NTM: variants seen among roughly 807,000 people sequenced by gnomAD.
The protein encoded by NTM is neurotrimin.
In NTM, 13 loss-of-function variants were observed where a neutral mutation model predicts 42.1. The ratio of observed to expected loss-of-function variants is 0.31; its 90% CI spans 0.20 to 0.49. NTM has a LOEUF of 0.49. Among genes scored for constraint, NTM ranks in the 20% least tolerant of loss-of-function variants. The probability of loss-of-function intolerance (pLI) is 0.99; values close to 1 mark genes in which losing one functional copy is unlikely to be tolerated. For missense variants in NTM, 373 were observed against 452.8 expected, an observed-to-expected ratio of 0.82 and a Z score of 1.60; for synonymous variants, 187 against 179.2, an observed-to-expected ratio of 1.04 and a Z score of -0.35.
chr11:131,920,511 A>T (rs917057279), intron 2 of NTM, among the ~76,000 whole-genome samples: 1 of 152,246 alleles, frequency 6.6e-6, no homozygotes, highest in Admixed American at 6.5e-5. Flanking sequence ...ACCCAATGTC[A>T]AAGGGCTTAA....
intron 1 of NTM, among the ~76,000 whole-genome samples, chr11:131,653,766 G>A (rs554764606): frequency 1.7e-4 from 26 of 152,318 alleles, no homozygotes; most frequent in Middle Eastern, 3.4e-3. Flanking sequence ...GGCTCCCCCC[G>A]CGGCCTCTTT....
rs1491403568 is a variant in NTM, at chr11:132,217,356, T to TGTGTGTG, written c.526+5209_526+5210insGTGTGTG. On this transcript the variant is annotated intron_variant, in intron 4 of 8. Coordinates refer to ENST00000683400, the MANE Select transcript of NTM (RefSeq NM_001352005.2). ...TGCCTCTTTCTCTCTCTCTCTCTCTTTCTGTGTGTGTGTGTGTGTGTGTGT... is the reference window on the plus strand; with the variant it reads ...TGCCTCTTTCTCTCTCTCTCTCTCTTGTGTGTGTCTGTGTGTGTGTGTGTGTGTGTGT... 2.9e-3 allele frequency among the ~76,000 whole-genome samples: 389 copies of TGTGTGTG among 135,272 alleles called. 1 individual carries two copies. Among genetic ancestry groups the TGTGTGTG allele is most frequent in the African/African-American group, 6.8e-3 (245 of 36,178 alleles). The allele number at this position is 135,272 out of a possible 152,430, so 88.7% of individuals were successfully genotyped here.
intron 1 of NTM, among the ~76,000 whole-genome samples, chr11:131,389,773 A>G (rs1331772684): frequency 1.3e-5 from 2 of 152,190 alleles, no homozygotes; most frequent in Non-Finnish European, 2.9e-5. Flanking sequence ...TACAAATAGG[A>G]ACTCCCCTGG....
At chr11:132,258,348 G>T (rs191112524) in intron 4 of NTM, among the ~76,000 whole-genome samples, 6 of 152,246 alleles carry the variant, frequency 3.9e-5, no homozygotes, top group Admixed American at 3.9e-4. Context: ...GAGTGAACAT[G>T]CGTTAAATAT....
chr11:131,960,924 C>T (rs1411029692), intron 2 of NTM, among the ~76,000 whole-genome samples: 3 of 152,172 alleles, frequency 2.0e-5, no homozygotes, highest in Non-Finnish European at 2.9e-5. Context: ...CACAGAGATG[C>T]GTCATGCCTC....
chr11:132,288,586 C>G (rs1358345817), intron 4 of NTM, among the ~76,000 whole-genome samples: 1 of 152,154 alleles, frequency 6.6e-6, no homozygotes, highest in African/African-American at 2.4e-5. Flanking sequence ...CTTTTAACCT[C>G]TATTGTTTAG....
intron 3 of NTM, among the ~76,000 whole-genome samples, chr11:132,198,721 A>G (rs1427995009): frequency 6.6e-6 from 1 of 152,186 alleles, no homozygotes; most frequent in Non-Finnish European, 1.5e-5. Context: ...TAATCCATTC[A>G]GATAGAGAGC....
At chr11:131,838,958 T>C (rs1269916432) in intron 1 of NTM, among the ~76,000 whole-genome samples, 3 of 149,662 alleles carry the variant, frequency 2.0e-5, no homozygotes, top group Non-Finnish European at 4.4e-5. Flanking sequence ...AATAAGTAAA[T>C]AATCTTTTTT....
At chr11:132,232,954 A>G (rs373241745) in intron 4 of NTM, among the ~76,000 whole-genome samples, 15 of 152,344 alleles carry the variant, frequency 9.8e-5, no homozygotes, top group South Asian at 4.1e-4. Flanking sequence ...TCCTGCATTT[A>G]TTTACACAGC....
intron 1 of NTM, among the ~76,000 whole-genome samples, chr11:131,477,037 G>A (rs934632781): frequency 6.6e-6 from 1 of 152,096 alleles, no homozygotes; most frequent in Non-Finnish European, 1.5e-5. Flanking sequence ...CAGCTCGATA[G>A]GCATGTCTTA....
intron 1 of NTM, among the ~76,000 whole-genome samples, chr11:131,587,505 C>T (rs1225327435): frequency 2.0e-5 from 3 of 151,952 alleles, no homozygotes; most frequent in Admixed American, 1.3e-4. Flanking sequence ...AATTATTCTG[C>T]CTTACCATTT....
chr11:132,314,777 T>TCAAGGC lies in NTM; in HGVS notation c.934+77_934+82dup, dbSNP rs1223484730. 7 of 1,493,324 alleles carry TCAAGGC rather than the reference T, an allele frequency of 4.7e-6. No homozygotes were observed. The East Asian group carries it at 1.4e-4, about 31-fold the overall frequency. The allele number at this position is 1,493,324 out of a possible 1,614,324, so 92.5% of individuals were successfully genotyped here. A position where few individuals can be genotyped will look rare whatever the true frequency, so the allele number is the denominator to read the frequency against. On this transcript the variant is annotated intron_variant, in intron 7 of 8. Transcript: ENST00000683400. ...CGGGAGAGCTGGGTGGGAGGGCCCC[T>TCAAGGC]CAAGGCCAGGGTCAGAGGTTAGCAG...
chr11:132,328,672 G>C (rs1197391926), intron 7 of NTM, among the ~76,000 whole-genome samples: 1 of 152,046 alleles, frequency 6.6e-6, no homozygotes, highest in Non-Finnish European at 1.5e-5. Flanking sequence ...TGTGGTTTGG[G>C]GGTAAAAGTT....
chr11:132,290,237 G>A (rs1216663458), intron 4 of NTM, among the ~76,000 whole-genome samples: 1 of 152,004 alleles, frequency 6.6e-6, no homozygotes, highest in African/African-American at 2.4e-5. Flanking sequence ...ATAGCAGTAA[G>A]ACTGACTAAA....
chr11:132,300,442 G>C (rs2094801218), intron 4 of NTM, among the ~76,000 whole-genome samples: 2 of 152,146 alleles, frequency 1.3e-5, no homozygotes, highest in Non-Finnish European at 2.9e-5. Flanking sequence ...ACTGTCTATA[G>C]GGCTCGAGTG....
rs146497061 is a variant in NTM at position 131,495,950 on chromosome 11, T to A, written c.82+125062T>A. 1.4e-3 allele frequency among the ~76,000 whole-genome samples: 206 copies of A among 152,336 alleles called. 1 individual carries two copies. Among genetic ancestry groups the A allele is most frequent in the African/African-American group, 4.7e-3 (196 of 41,588 alleles). Reference sequence around the variant, plus strand: ...AGTTTATCAAAAGGATGTTGAGGGTTTGAAAAATGATTGCAAGAAATCTGA... The same window carrying A: ...AGTTTATCAAAAGGATGTTGAGGGTATGAAAAATGATTGCAAGAAATCTGA... On this transcript the variant is annotated intron_variant, in intron 1 of 8. Coordinates refer to ENST00000683400, the MANE Select transcript of NTM (RefSeq NM_001352005.2).
chr11:131,377,394 T>C (rs556836174), intron 1 of NTM, among the ~76,000 whole-genome samples: 25 of 152,302 alleles, frequency 1.6e-4, no homozygotes, highest in African/African-American at 5.8e-4. Context: ...CCCTGACTTC[T>C]GCACAGAACT....
At chr11:131,804,041 T>C (rs2092336412) in intron 1 of NTM, among the ~76,000 whole-genome samples, 4 of 152,204 alleles carry the variant, frequency 2.6e-5, no homozygotes, top group Admixed American at 2.6e-4. Context: ...TGCCCCGACA[T>C]AAAATCTGTC....
At chr11:131,993,877 C>CTA (rs2067471493) in intron 2 of NTM, among the ~76,000 whole-genome samples, 1 of 151,754 alleles carries the variant, frequency 6.6e-6, no homozygotes, top group Non-Finnish European at 1.5e-5. Flanking sequence ...GTGGTGTGTG[C>CTA]CTGTAATCCC....
Sources: allele counts gnomAD v4.1 joint callset (sites outside exome capture counted in the v4.1 genomes callset), GRCh38; gene constraint gnomAD v4.1.1; transcripts MANE v1.5; gene names NCBI Gene and HGNC (gene_info 2026-07-23, HGNC 2026-07-21).